GRID1: variants seen among roughly 807,000 people sequenced by gnomAD.
The protein encoded by GRID1 is glutamate ionotropic receptor delta type subunit 1, also known as glutamate receptor ionotropic, delta-1.
In GRID1, 28 loss-of-function variants were observed where a neutral mutation model predicts 98.0. That is an observed-to-expected ratio of 0.29 (90% CI 0.21 to 0.39). The LOEUF (loss-of-function observed/expected upper bound fraction) is 0.39, where lower values mean the gene tolerates loss of function less well. GRID1 is among the 10% of genes least tolerant of loss of function. GRID1 has a pLI of 1.00. For synonymous variants in GRID1, 553 were observed against 538.5 expected (o/e 1.03, Z -0.37); for missense variants, 1,111 against 1,340.5 (o/e 0.83, Z 2.67).
intron 4 of GRID1, among the ~76,000 whole-genome samples, chr10:85,987,239 C>T (rs1052405834): frequency 6.6e-6 from 1 of 152,002 alleles, no homozygotes; most frequent in African/African-American, 2.4e-5. Flanking sequence ...CTGCCAGGAT[C>T]GACCGGCTGG....
intron 12 of GRID1, among the ~76,000 whole-genome samples, chr10:85,718,196 T>C (rs960489308): frequency 1.3e-5 from 2 of 152,348 alleles, no homozygotes; most frequent in East Asian, 1.9e-4. Context: ...GGACTCTGTG[T>C]AGGGACTCCA....
chr10:86,182,924 C>T (rs1017146346), intron 3 of GRID1, among the ~76,000 whole-genome samples: 3 of 152,184 alleles, frequency 2.0e-5, no homozygotes, highest in East Asian at 1.9e-4. Flanking sequence ...ACCCCTGTGA[C>T]GGGCAGCATG....
At chr10:86,093,778 T>C (rs976145994) in intron 4 of GRID1, among the ~76,000 whole-genome samples, 4 of 152,174 alleles carry the variant, frequency 2.6e-5, no homozygotes, top group African/African-American at 9.6e-5. Flanking sequence ...CAAAGAATTA[T>C]TGGCATCAAT....
At chr10:86,146,808 T>C (rs1316416237) in intron 3 of GRID1, among the ~76,000 whole-genome samples, 2 of 152,214 alleles carry the variant, frequency 1.3e-5, no homozygotes, top group Admixed American at 1.3e-4. Context: ...GTGGCTCCCT[T>C]CTGCCACTTA....
chr10:86,118,730 A>G (rs1478839552), intron 4 of GRID1, among the ~76,000 whole-genome samples: 1 of 152,208 alleles, frequency 6.6e-6, no homozygotes, highest in Non-Finnish European at 1.5e-5. Flanking sequence ...ACCAACAGTG[A>G]TAAGTCATGT....
At chr10:86,186,799 A>G (rs1480638534) in intron 3 of GRID1, among the ~76,000 whole-genome samples, 1 of 152,252 alleles carries the variant, frequency 6.6e-6, no homozygotes. Flanking sequence ...CTTGGGTGAC[A>G]ACCCCAGAGC....
At chr10:85,857,605 G>C (rs931611268) in intron 6 of GRID1, among the ~76,000 whole-genome samples, 1 of 152,164 alleles carries the variant, frequency 6.6e-6, no homozygotes, top group Non-Finnish European at 1.5e-5. Flanking sequence ...CAGGTTTGTG[G>C]CCCCCCACTG....
In GRID1 at chr10:85,601,521, A is replaced by C. The variant is rs897694937; in HGVS notation, c.*752T>G. On this transcript the variant is annotated 3_prime_UTR_variant, in exon 16 of 16. Transcript: ENST00000327946. Reference sequence around the variant, plus strand: ...TCTAATTTTGAAAAGAAAATGAAAAACAAGGCCAACAGTATGATATGAGAA... The same window carrying C: ...TCTAATTTTGAAAAGAAAATGAAAACCAAGGCCAACAGTATGATATGAGAA... 6.6e-6 allele frequency: 1 copy of C among 152,224 alleles called. No individual in the cohort carries two copies. Among genetic ancestry groups the C allele is most frequent in the Non-Finnish European group, 1.5e-5 (1 of 68,046 alleles). The allele number at this position is 152,224 out of a possible 1,614,324, so 9.4% of individuals were successfully genotyped here. A position where few individuals can be genotyped will look rare whatever the true frequency, so the allele number is the denominator to read the frequency against.
intron 2 of GRID1, among the ~76,000 whole-genome samples, chr10:86,320,047 A>G (rs1847948302): frequency 6.6e-6 from 1 of 152,264 alleles, no homozygotes; most frequent in Non-Finnish European, 1.5e-5. Flanking sequence ...CAGAGGCCCA[A>G]TGTGGCAATA....
chr10:86,219,549 C>T (rs918005799), intron 2 of GRID1, among the ~76,000 whole-genome samples: 1 of 152,204 alleles, frequency 6.6e-6, no homozygotes, highest in African/African-American at 2.4e-5. Flanking sequence ...ACCCCCGCTC[C>T]CCTTCTCCCT....
intron 8 of GRID1, among the ~76,000 whole-genome samples, chr10:85,836,426 C>T (rs949741730): frequency 7.2e-5 from 11 of 152,120 alleles, no homozygotes; most frequent in African/African-American, 2.7e-4. Flanking sequence ...ACAAGGGCTA[C>T]TGAGCCCTGG....
chr10:85,642,459 T>C (rs1843133577), intron 13 of GRID1, among the ~76,000 whole-genome samples: 1 of 152,188 alleles, frequency 6.6e-6, no homozygotes, highest in Non-Finnish European at 1.5e-5. Context: ...CTATTTCTCT[T>C]GTCCCTTCCA....
Position 85,611,707 on chromosome 10 carries a change from T to C in GRID1, c.2601+1700A>G, listed in dbSNP as rs1290533210. 1.3e-5 allele frequency among the ~76,000 whole-genome samples: 2 copies of C among 152,112 alleles called. 1 individual carries two copies. The highest frequency in any genetic ancestry group is 4.8e-5 in the African/African-American group (2 of 41,410). Reference sequence around the variant, plus strand: ...ACTGATGCTTCTGTGCATAGAGACCTGGGTGGTAACAAGCAGGTGAAGGGT... The same window carrying C: ...ACTGATGCTTCTGTGCATAGAGACCCGGGTGGTAACAAGCAGGTGAAGGGT... On this transcript the variant is annotated intron_variant, in intron 15 of 15. Coordinates refer to ENST00000327946, the MANE Select transcript of GRID1 (RefSeq NM_017551.3).
chr10:86,129,527 C>A (rs998808518), intron 4 of GRID1, among the ~76,000 whole-genome samples: 2 of 152,184 alleles, frequency 1.3e-5, no homozygotes, highest in Admixed American at 6.5e-5. Context: ...TGAGAAGATT[C>A]GGTGAGTTTC....
At chr10:85,747,243 C>A (rs1026161998) in intron 8 of GRID1, among the ~76,000 whole-genome samples, 3 of 152,074 alleles carry the variant, frequency 2.0e-5, no homozygotes, top group Admixed American at 2.0e-4. Flanking sequence ...ATGCACATAG[C>A]AGTGACTGTA....
rs1564706290 is a variant in GRID1, at chr10:86,206,564, T to C, written c.320A>G (p.Asp107Gly). Residue 107 changes from aspartate to glycine, a missense_variant, in exon 3 of 16, where the codon GAT becomes GGT. This residue lies in a region of GRID1 where 346 missense variants were observed against 452.3 expected (regional missense o/e 0.76). Transcript: ENST00000327946. The surrounding 1 kb of genome is among the most constrained non-coding windows in gnomAD (Gnocchi z 4.1). Reference protein sequence around the residue: ...ASANALQSLTDAMHIPHLFVQ... With the variant: ...ASANALQSLTGAMHIPHLFVQ... Reference sequence around the variant, plus strand: ...AAAGAGGTGTGGGATGTGCATGGCATCCGTGAGGGACTGCAGGGCATTGGC... The same window carrying C: ...AAAGAGGTGTGGGATGTGCATGGCACCCGTGAGGGACTGCAGGGCATTGGC... 2 of 1,614,154 alleles carry C rather than the reference T, an allele frequency of 1.2e-6. No individual in the cohort carries two copies. The highest frequency in any genetic ancestry group is 1.7e-6 in the Non-Finnish European group (2 of 1,180,024).
Position 85,883,607 on chromosome 10 carries a change from T to C in GRID1, c.781-14427A>G, listed in dbSNP as rs1392560350. Among the ~76,000 whole-genome samples, 19 of 151,666 alleles carry C rather than the reference T, an allele frequency of 1.3e-4. 1 individual carries two copies. The highest frequency in any genetic ancestry group is 1.3e-3 in the Admixed American group (19 of 15,198). The stretch of plus-strand genomic sequence containing the variant: ...TCCTTGTTTTTTTCCGTCATGTACG[T>C]AATCTCATTTTCCTTAAAACTGCCT... On this transcript the variant is annotated intron_variant, in intron 5 of 15. Coordinates refer to ENST00000327946, the MANE Select transcript of GRID1 (RefSeq NM_017551.3).
chr10:85,620,305 A>G (rs1162066845), intron 13 of GRID1, among the ~76,000 whole-genome samples: 1 of 152,228 alleles, frequency 6.6e-6, no homozygotes, highest in Non-Finnish European at 1.5e-5. Context: ...GGTGGGCTCT[A>G]AGACGAGCTT....
intron 10 of GRID1, among the ~76,000 whole-genome samples, chr10:85,726,402 G>T (rs998009554): frequency 1.3e-5 from 2 of 152,156 alleles, no homozygotes; most frequent in African/African-American, 4.8e-5. Flanking sequence ...ACCACACAGG[G>T]TTTCTAAAGC....
Sources: gnomAD v4.1 joint callset for allele counts (sites outside exome capture counted in the v4.1 genomes callset) on GRCh38, gnomAD v4.1.1 for gene constraint, gnomAD v4.1.1 regional missense constraint, Gnocchi (gnomAD v3.1) non-coding constraint, MANE v1.5 for transcripts, NCBI Gene and HGNC (gene_info 2026-07-23, HGNC 2026-07-21) for gene names.